The following HNF4G variants were observed in gnomAD, a reference collection of about 807,000 sequenced individuals.
HNF4G encodes the protein hepatocyte nuclear factor 4-gamma.
In HNF4G, 21 loss-of-function variants were observed where a neutral mutation model predicts 50.9. That is an observed-to-expected ratio of 0.41 (90% CI 0.29 to 0.59). HNF4G has a LOEUF of 0.59. HNF4G is among the 20% of genes least tolerant of loss of function. The probability of loss-of-function intolerance (pLI) is 0.26; values close to 1 mark genes in which losing one functional copy is unlikely to be tolerated. For missense variants in HNF4G, 527 were observed against 559.4 expected, an observed-to-expected ratio of 0.94 and a Z score of 0.58; for synonymous variants, 198 against 185.6, an observed-to-expected ratio of 1.07 and a Z score of -0.54.
chr8:75,554,681 A>C (rs1807063717), intron 5 of HNF4G, among the ~76,000 whole-genome samples: 1 of 152,188 alleles, frequency 6.6e-6, no homozygotes, highest in African/African-American at 2.4e-5. Flanking sequence ...AAAAATACAG[A>C]TTTCTTCACT....
chr8:75,534,825 T>C (rs774381494), intron 2 of HNF4G, among the ~76,000 whole-genome samples: 18 of 151,840 alleles, frequency 1.2e-4, no homozygotes, highest in Admixed American at 2.6e-4. Context: ...AAATGAGCTA[T>C]AGAATTTTAT....
chr8:75,443,470 T>A (rs537054220), intron 1 of HNF4G, among the ~76,000 whole-genome samples: 1 of 152,312 alleles, frequency 6.6e-6, no homozygotes, highest in East Asian at 1.9e-4. Context: ...TAGTCAAAAA[T>A]TATTTATTTT....
In HNF4G at chr8:75,553,321, G is replaced by A; in HGVS notation, c.645+124G>A. 5.1e-6 allele frequency: 4 copies of A among 776,846 alleles called. No homozygotes were observed. The South Asian group carries it at 6.3e-5, about 12-fold the overall frequency. The allele number at this position is 776,846 out of a possible 1,614,324, so 48.1% of individuals were successfully genotyped here. On this transcript the variant is annotated intron_variant, in intron 5 of 9. Transcript: ENST00000396423. ...CTGTATTTGGCAAAAGATAAATTAG[G>A]AGGAAGGATTGGGTTTCCTTACCCA...
chr8:75,523,888 T>A (rs982723166), intron 2 of HNF4G, among the ~76,000 whole-genome samples: 1 of 151,986 alleles, frequency 6.6e-6, no homozygotes, highest in African/African-American at 2.4e-5. Context: ...TCAAATAATA[T>A]TCTTAGTGTA....
At chr8:75,457,370 T>C (rs78744414) in intron 1 of HNF4G, among the ~76,000 whole-genome samples, 1 of 152,208 alleles carries the variant, frequency 6.6e-6, no homozygotes, top group Non-Finnish European at 1.5e-5. Flanking sequence ...TGGCTTTATA[T>C]GATCCTTAAG....
intron 1 of HNF4G, among the ~76,000 whole-genome samples, chr8:75,540,844 AATGTGT>A (rs1177412241): frequency 1.1e-5 from 1 of 94,656 alleles, no homozygotes; most frequent in African/African-American, 6.3e-5. Context: ...TACTTTGGAA[AATGTGT>A]ATGTGTGTGT....
rs1806045127 is a variant in HNF4G at position 75,521,639 on chromosome 8, C to CTGT, written c.-23-22170_-23-22168dup. On this transcript the variant is annotated intron_variant, in intron 2 of 10. Transcript: ENST00000354370. ...AGCTATGATCCGAGATAAATGTGTA[C>CTGT]TGTTACTACAGAAAACTAATTTGAT... Among the ~76,000 whole-genome samples the CTGT allele has an allele frequency of 4.6e-5, 7 of 152,290 alleles. No individual in the cohort carries two copies. The South Asian group carries it at 1.4e-3, about 32-fold the overall frequency.
At chr8:75,452,406 A>C (rs1416363055) in intron 1 of HNF4G, among the ~76,000 whole-genome samples, 1 of 152,054 alleles carries the variant, frequency 6.6e-6, no homozygotes, top group Non-Finnish European at 1.5e-5. Flanking sequence ...TTTCCAAATA[A>C]GTATCTTTTT....
chr8:75,497,893 A>T (rs976920779), intron 2 of HNF4G, among the ~76,000 whole-genome samples: 2 of 152,108 alleles, frequency 1.3e-5, no homozygotes, highest in African/African-American at 4.8e-5. Context: ...ATGTATAAAC[A>T]CTACACAAAA....
At chr8:75,558,765 TAA>T in intron 7 of HNF4G, 34 bp from the exon 8 acceptor site, 2 of 1,591,646 alleles carry the variant, frequency 1.3e-6, no homozygotes, top group Non-Finnish European at 1.7e-6. Context: ...GTAATTAGGT[TAA>T]ATCTGTACAC....
intron 1 of HNF4G, among the ~76,000 whole-genome samples, chr8:75,451,337 CTGATA>C (rs1811579771): frequency 6.6e-6 from 1 of 151,772 alleles, no homozygotes; most frequent in South Asian, 2.1e-4. Flanking sequence ...GCTTTTTAGT[CTGATA>C]TAATTCCATT....
intron 2 of HNF4G, among the ~76,000 whole-genome samples, chr8:75,510,809 G>A (rs1426973271): frequency 6.6e-6 from 1 of 151,982 alleles, no homozygotes; most frequent in Non-Finnish European, 1.5e-5. Context: ...TATCTCCTGT[G>A]TGTGTATATA....
At chr8:75,432,296 A>C (rs1325448146) in intron 1 of HNF4G, among the ~76,000 whole-genome samples, 1 of 152,058 alleles carries the variant, frequency 6.6e-6, no homozygotes, top group East Asian at 1.9e-4. Context: ...CAAAATAAAA[A>C]AAAAAAGAAT....
At chr8:75,454,718 C>T (rs1261221870) in intron 1 of HNF4G, among the ~76,000 whole-genome samples, 2 of 152,144 alleles carry the variant, frequency 1.3e-5, no homozygotes, top group African/African-American at 4.8e-5. Context: ...CCTAATCACT[C>T]TATCACCTCA....
intron 2 of HNF4G, among the ~76,000 whole-genome samples, chr8:75,492,554 A>G (rs1345447524): frequency 1.3e-5 from 2 of 152,186 alleles, no homozygotes; most frequent in African/African-American, 4.8e-5. Context: ...CCTTCACCAC[A>G]ACTTCTTTGT....
At chr8:75,446,935 A>C (rs36173539) in intron 1 of HNF4G, among the ~76,000 whole-genome samples, 5,150 of 134,408 alleles carry the variant, frequency 0.038, 115 homozygotes, top group Non-Finnish European at 0.055. Context: ...AAACTACTTT[A>C]AAGTTCATAT....
intron 2 of HNF4G, among the ~76,000 whole-genome samples, chr8:75,516,004 T>A (rs139802662): frequency 0.023 from 3,523 of 152,306 alleles, 48 homozygotes; most frequent in Middle Eastern, 0.099. Flanking sequence ...CCTCAGGTGA[T>A]CTGCCTGCCT....
chr8:75,482,042 C>T (rs1812393368), intron 1 of HNF4G, among the ~76,000 whole-genome samples: 1 of 152,096 alleles, frequency 6.6e-6, no homozygotes, highest in African/African-American at 2.4e-5. Flanking sequence ...AAATCTAGTG[C>T]AAACAACTGT....
chr8:75,531,694 CA>C (rs1806329264), intron 2 of HNF4G, among the ~76,000 whole-genome samples: 1 of 151,780 alleles, frequency 6.6e-6, no homozygotes, highest in Non-Finnish European at 1.5e-5. Context: ...TAAAATAATA[CA>C]AATAAATAAT....
Sources: allele counts gnomAD v4.1 joint callset (sites outside exome capture counted in the v4.1 genomes callset), GRCh38; gene constraint gnomAD v4.1.1; transcripts MANE v1.5; gene names NCBI Gene and HGNC (gene_info 2026-07-23, HGNC 2026-07-21).